PPFIBP2: variants seen among roughly 807,000 people sequenced by gnomAD.
PPFIBP2 encodes PPFIB scaffold protein 2.
In PPFIBP2, 118 loss-of-function variants were observed where a neutral mutation model predicts 118.3. That is an observed-to-expected ratio of 1.00 (90% confidence interval 0.86 to 1.16). PPFIBP2 has a LOEUF of 1.16. PPFIBP2 is among the 50% of genes most tolerant of loss of function. PPFIBP2 has a pLI of 0.00. For synonymous variants in PPFIBP2, 414 were observed against 397.4 expected (o/e 1.04, Z -0.50); for missense variants, 1,195 against 1,073.1 (o/e 1.11, Z -1.59).
chr11:7,592,260 C>A (rs998488189), intron 3 of PPFIBP2, among the ~76,000 whole-genome samples: 1 of 152,142 alleles, frequency 6.6e-6, no homozygotes, highest in African/African-American at 2.4e-5. Flanking sequence ...GACATTAGCT[C>A]CTTCTCTCCT....
intron 3 of PPFIBP2, among the ~76,000 whole-genome samples, chr11:7,587,733 C>A (rs945841859): frequency 6.6e-6 from 1 of 152,220 alleles, no homozygotes; most frequent in African/African-American, 2.4e-5. Flanking sequence ...ACCACCACTA[C>A]CATGCTCTGT....
At chr11:7,590,994 C>G in intron 3 of PPFIBP2, among the ~76,000 whole-genome samples, 1 of 152,304 alleles carries the variant, frequency 6.6e-6, no homozygotes, top group East Asian at 1.9e-4. Context: ...TTGTGCCTCT[C>G]TTTTTTTACT....
chr11:7,588,500 T>A (rs931882731), intron 3 of PPFIBP2, among the ~76,000 whole-genome samples: 1 of 152,238 alleles, frequency 6.6e-6, no homozygotes, highest in African/African-American at 2.4e-5. Context: ...AAGCTGCACA[T>A]TAGGCTTGCC....
the PPFIBP2 span, chr11:7,665,194 C>G: frequency 3.6e-5 from 18 of 496,782 alleles, no homozygotes; most frequent in South Asian, 7.2e-4. Flanking sequence ...GCCCCAGCAG[C>G]CAGTCTCCAG....
intron 3 of PPFIBP2, among the ~76,000 whole-genome samples, chr11:7,589,233 G>A (rs559818095): frequency 6.6e-6 from 1 of 152,260 alleles, no homozygotes; most frequent in Non-Finnish European, 1.5e-5. Context: ...TCCTTAACAA[G>A]TATAACGGGG....
At chr11:7,543,460 C>G (rs919278500) in intron 1 of PPFIBP2, among the ~76,000 whole-genome samples, 2 of 152,228 alleles carry the variant, frequency 1.3e-5, no homozygotes, top group African/African-American at 4.8e-5. Context: ...GGCAGAGACA[C>G]TGGCCCCTGT....
intron 4 of PPFIBP2, 108 bp downstream of exon 4, chr11:7,593,332 T>G: frequency 3.5e-6 from 5 of 1,436,218 alleles, no homozygotes; most frequent in Non-Finnish European, 3.7e-6. Flanking sequence ...ATTTTTCTCC[T>G]TCCAATGCCT....
chr11:7,604,807 T>A (rs1038237185), intron 5 of PPFIBP2, among the ~76,000 whole-genome samples: 10 of 152,084 alleles, frequency 6.6e-5, no homozygotes, highest in African/African-American at 2.2e-4. Context: ...GCACAGAGCT[T>A]GGTGGGAACT....
intron 6 of PPFIBP2, among the ~76,000 whole-genome samples, chr11:7,614,574 G>A (rs964403137): frequency 2.0e-5 from 3 of 152,180 alleles, no homozygotes; most frequent in Non-Finnish European, 4.4e-5. Context: ...TAATGCTGTA[G>A]TGAATAATCT....
rs781132599 is a variant in PPFIBP2 at position 7,651,729 on chromosome 11, GGC to G, written c.2324_2325del (p.Arg775ProfsTer15). On this transcript the variant is annotated frameshift_variant, in exon 23 of 24. Transcript: ENST00000299492. LOFTEE classifies it high-confidence loss of function. ...ATCCCCCCACAAAAGACGCTCCTCA[GGC>G]GCCACCTGACCACCAAGTTCAATGC... is the stretch of plus-strand genomic sequence containing the variant. 23 of 1,614,098 alleles carry G rather than the reference GGC, an allele frequency of 1.4e-5. No homozygotes were observed. Among genetic ancestry groups the G allele is most frequent in the Non-Finnish European group, 1.2e-5 (14 of 1,179,926 alleles).
intron 3 of PPFIBP2, among the ~76,000 whole-genome samples, chr11:7,589,460 G>A (rs565522095): frequency 1.3e-5 from 2 of 152,228 alleles, no homozygotes; most frequent in Admixed American, 6.5e-5. Context: ...GGGCATGGTG[G>A]TGCATGCCTG....
At chr11:7,597,311 G>C (rs1025724605) in intron 4 of PPFIBP2, 1 of 1,535,524 alleles carries the variant, frequency 6.5e-7, no homozygotes, top group Admixed American at 2.0e-5. Context: ...TTACTCTTGA[G>C]TCTATCAAGA....
chr11:7,613,555 A>T (rs1848308716), intron 6 of PPFIBP2, among the ~76,000 whole-genome samples: 1 of 152,206 alleles, frequency 6.6e-6, no homozygotes. Flanking sequence ...GGTGAATTAG[A>T]CGTATTCCTG....
In PPFIBP2 at chr11:7,596,975, T is replaced by C. The variant is rs1860440473; in HGVS notation, c.373-585T>C. ...CCGTATGTGTAATGTGGCTTCTCTA[T>C]ATTTATGACTTAGAGTCATGTTTTG... On this transcript the variant is annotated intron_variant, in intron 4 of 23. Coordinates refer to ENST00000299492, the MANE Select transcript of PPFIBP2 (RefSeq NM_003621.5). 2.6e-5 allele frequency among the ~76,000 whole-genome samples: 4 copies of C among 152,232 alleles called. No homozygotes were observed. The South Asian group carries it at 6.2e-4, about 24-fold the overall frequency.
chr11:7,621,643 T>A (rs1330379415), intron 7 of PPFIBP2, among the ~76,000 whole-genome samples: 2 of 152,222 alleles, frequency 1.3e-5, no homozygotes, highest in Non-Finnish European at 2.9e-5. Flanking sequence ...TGGGTTACAT[T>A]CAGCCCATGA....
intron 3 of PPFIBP2, among the ~76,000 whole-genome samples, chr11:7,581,841 A>G (rs1857305720): frequency 6.8e-6 from 1 of 146,848 alleles, no homozygotes; most frequent in Non-Finnish European, 1.5e-5. Context: ...AGATAGATAG[A>G]TTTTTTTTTT....
chr11:7,649,708 C>T (rs949467287), intron 21 of PPFIBP2, 54 bp downstream of exon 21: 2 of 1,605,956 alleles, frequency 1.2e-6, no homozygotes, highest in African/African-American at 2.7e-5. Flanking sequence ...ACCCCTGAAA[C>T]ATCGAGCATG....
In PPFIBP2 at chr11:7,597,578, C is replaced by A; in HGVS notation, c.391C>A (p.Gln131Lys). 6.2e-7 allele frequency: 1 copy of A among 1,613,838 alleles called. No homozygotes were observed. The highest frequency in any genetic ancestry group is 2.2e-5 in the East Asian group (1 of 44,846). ...LILQVSVLTD[Q>K]VEAQGEKIRD... ...GGAACAGGTGAGTGTCCTCACAGAC[C>A]AAGTAGAAGCCCAGGGAGAAAAGAT... The change falls in exon 5 of 24, where the codon CAA becomes AAA. Residue 131 changes from glutamine to lysine, a missense_variant. Coordinates refer to ENST00000299492, the MANE Select transcript of PPFIBP2 (RefSeq NM_003621.5).
At chr11:7,651,237 C>T (rs775092058) in intron 22 of PPFIBP2, 3 of 364,360 alleles carry the variant, frequency 8.2e-6, no homozygotes, top group South Asian at 5.3e-5. Context: ...GCTTACAAGG[C>T]GAGGGAACAG....
Sources: gnomAD v4.1 joint callset for allele counts (sites outside exome capture counted in the v4.1 genomes callset) on GRCh38, gnomAD v4.1.1 for gene constraint, MANE v1.5 for transcripts, NCBI Gene and HGNC (gene_info 2026-07-23, HGNC 2026-07-21) for gene names.